The following AGBL4 variants were observed in gnomAD, a reference collection of about 807,000 sequenced individuals.
The protein encoded by AGBL4 is cytosolic carboxypeptidase 6.
A neutral mutation model predicts 66.4 loss-of-function variants in AGBL4; 58 were observed. That is an observed-to-expected ratio of 0.87 (90% confidence interval 0.71 to 1.09). The LOEUF is 1.09. Ranked by LOEUF, AGBL4 falls within the 50% of genes least tolerant of loss-of-function variation. AGBL4 has a pLI of 0.00. For synonymous variants in AGBL4, 234 were observed against 222.9 expected (o/e 1.05, Z -0.44); for missense variants, 579 against 631.0 (o/e 0.92, Z 0.88).
chr1:48,668,753 T>C (rs1188635174), intron 6 of AGBL4, among the ~76,000 whole-genome samples: 1 of 152,214 alleles, frequency 6.6e-6, no homozygotes, highest in African/African-American at 2.4e-5. Flanking sequence ...TTATCAGCAA[T>C]GTGAGGATAT....
intron 3 of AGBL4, among the ~76,000 whole-genome samples, chr1:49,671,455 G>A (rs976278180): frequency 6.6e-6 from 1 of 152,094 alleles, no homozygotes; most frequent in South Asian, 2.1e-4. Context: ...CATCAAAAGC[G>A]ATAACAACAA....
intron 4 of AGBL4, among the ~76,000 whole-genome samples, chr1:49,172,102 A>T (rs1569928311): frequency 6.6e-6 from 1 of 152,220 alleles, no homozygotes; most frequent in Non-Finnish European, 1.5e-5. Context: ...TATAGAGGAT[A>T]AAAAACAGAC....
chr1:49,101,787 A>C (rs1173683130), intron 4 of AGBL4, among the ~76,000 whole-genome samples: 1 of 152,178 alleles, frequency 6.6e-6, no homozygotes, highest in African/African-American at 2.4e-5. Flanking sequence ...TCTAGGGGTT[A>C]TAAAACAGAC....
rs1177633164 is a variant in AGBL4 at position 49,637,777 on chromosome 1, A to G, written c.282+59536T>C. Among the ~76,000 whole-genome samples, 3 of 152,176 alleles carry G rather than the reference A, an allele frequency of 2.0e-5. No homozygotes were observed. In the East Asian group the frequency reaches 5.8e-4, roughly 29 times the overall value. On this transcript the variant is annotated intron_variant, in intron 3 of 13. Transcript: ENST00000371839. ...AAAAATAAAAAAAAATTATCTGTAGACTTGACTACATAAAAGCTTGAGGAA... is the reference window on the plus strand; with the variant it reads ...AAAAATAAAAAAAAATTATCTGTAGGCTTGACTACATAAAAGCTTGAGGAA...
intron 5 of AGBL4, among the ~76,000 whole-genome samples, chr1:48,871,555 G>T (rs1164392190): frequency 6.6e-6 from 1 of 152,044 alleles, no homozygotes; most frequent in Non-Finnish European, 1.5e-5. Flanking sequence ...TAGATATGTG[G>T]ACTCCTGGCT....
At chr1:48,552,150 G>T (rs552317291) in intron 11 of AGBL4, among the ~76,000 whole-genome samples, 3 of 152,046 alleles carry the variant, frequency 2.0e-5, no homozygotes, top group Non-Finnish European at 4.4e-5. Context: ...TGCAACCTCC[G>T]CCTCCTGGGT....
intron 11 of AGBL4, chr1:48,585,739 C>T (rs556176242): frequency 6.6e-6 from 1 of 152,424 alleles, no homozygotes; most frequent in East Asian, 1.9e-4. Flanking sequence ...CTGACAGCCC[C>T]TCCTTCTAGG....
chr1:49,276,714 A>G (rs551297394), intron 3 of AGBL4, among the ~76,000 whole-genome samples: 1 of 152,196 alleles, frequency 6.6e-6, no homozygotes, highest in South Asian at 2.1e-4. Flanking sequence ...TTTCCCTCCC[A>G]TAGCCTGTCT....
In AGBL4 at chr1:49,648,045, G is replaced by A. The variant is rs1645925802; in HGVS notation, c.282+49268C>T. Among the ~76,000 whole-genome samples the A allele has an allele frequency of 2.0e-5, 3 of 152,074 alleles. No homozygotes were observed. The South Asian group carries it at 6.2e-4, about 32-fold the overall frequency. ...TCAAAACCAGACTCAGAAATGGCAG[G>A]GATGGTGAAATTATTACACCAGCAA... is the stretch of plus-strand genomic sequence containing the variant. On this transcript the variant is annotated intron_variant, in intron 3 of 13. Transcript: ENST00000371839.
intron 6 of AGBL4, among the ~76,000 whole-genome samples, chr1:48,850,804 C>T (rs1570827697): frequency 6.6e-6 from 1 of 152,180 alleles, no homozygotes; most frequent in Non-Finnish European, 1.5e-5. Context: ...TCTAATATCT[C>T]AGCAACCTCT....
chr1:49,875,605 C>T lies in AGBL4; in HGVS notation c.35-24087G>A, dbSNP rs890036753. Among the ~76,000 whole-genome samples the T allele has an allele frequency of 1.1e-3, 166 of 148,172 alleles. 1 individual carries two copies. The highest frequency in any genetic ancestry group is 1.7e-3 in the Non-Finnish European group (114 of 67,162). Reference sequence around the variant, plus strand: ...AAGTCTTTGCTATTGTGAATAATGCCGCAATAAACATACGTGTACATGTGT... The same window carrying T: ...AAGTCTTTGCTATTGTGAATAATGCTGCAATAAACATACGTGTACATGTGT... On this transcript the variant is annotated intron_variant, in intron 1 of 13. Coordinates refer to ENST00000371839, the MANE Select transcript of AGBL4 (RefSeq NM_032785.4).
At chr1:49,667,526 C>T (rs1268688232) in intron 3 of AGBL4, among the ~76,000 whole-genome samples, 2 of 151,944 alleles carry the variant, frequency 1.3e-5, no homozygotes, top group Admixed American at 1.3e-4. Flanking sequence ...AAAAAATAAG[C>T]ATAAATATTA....
At chr1:49,971,018 A>G (rs1658036746) in intron 1 of AGBL4, among the ~76,000 whole-genome samples, 1 of 152,170 alleles carries the variant, frequency 6.6e-6, no homozygotes. Flanking sequence ...GAGTGTGAGG[A>G]TGCTATAGAA....
At chr1:48,647,930 G>A (rs1645864824) in intron 8 of AGBL4, among the ~76,000 whole-genome samples, 2 of 152,172 alleles carry the variant, frequency 1.3e-5, no homozygotes, top group African/African-American at 4.8e-5. Flanking sequence ...TCTTGGCTCT[G>A]TAATACCTGA....
intron 4 of AGBL4, among the ~76,000 whole-genome samples, chr1:49,180,144 C>T (rs183726315): frequency 3.9e-4 from 60 of 152,178 alleles, no homozygotes; most frequent in African/African-American, 1.3e-3. Flanking sequence ...GTGATCCGCC[C>T]GCCTCAGCCT....
At chr1:49,213,202 G>A (rs1236351504) in intron 4 of AGBL4, among the ~76,000 whole-genome samples, 1 of 152,104 alleles carries the variant, frequency 6.6e-6, no homozygotes, top group East Asian at 1.9e-4. Flanking sequence ...TTTGTGAGCT[G>A]CACAGAATGG....
chr1:49,691,322 G>C (rs369596211), intron 3 of AGBL4: 1 of 152,556 alleles, frequency 6.6e-6, no homozygotes, highest in African/African-American at 2.4e-5. Context: ...GCATGTTGAA[G>C]TGCACTATCT....
intron 11 of AGBL4, among the ~76,000 whole-genome samples, chr1:48,576,084 C>G (rs1307009657): frequency 6.6e-6 from 1 of 152,160 alleles, no homozygotes; most frequent in African/African-American, 2.4e-5. Context: ...GTCCTCAAGC[C>G]CCTGGCCATG....
intron 3 of AGBL4, among the ~76,000 whole-genome samples, chr1:49,602,148 C>T (rs1457420851): frequency 6.6e-6 from 1 of 152,102 alleles, no homozygotes; most frequent in Non-Finnish European, 1.5e-5. Context: ...AATGAGATAC[C>T]ATCTCATGCC....
Sources: allele counts gnomAD v4.1 joint callset (sites outside exome capture counted in the v4.1 genomes callset), GRCh38; gene constraint gnomAD v4.1.1; transcripts MANE v1.5; gene names NCBI Gene and HGNC (gene_info 2026-07-23, HGNC 2026-07-21).